Variants in HIVEP3 observed in about 807,000 individuals in gnomAD.
HIVEP3 encodes HIVEP zinc finger 3.
In HIVEP3, 49 loss-of-function variants were observed where a neutral mutation model predicts 152.8. That is an observed-to-expected ratio of 0.32 (90% CI 0.26 to 0.41). HIVEP3 has a LOEUF of 0.41. Among genes scored for constraint, HIVEP3 ranks in the 10% least tolerant of loss-of-function variants. HIVEP3 has a pLI of 1.00. For synonymous variants in HIVEP3, 1,269 were observed against 1,289.0 expected (o/e 0.98, Z 0.33); for missense variants, 2,790 against 3,103.3 (o/e 0.90, Z 2.40).
At chr1:41,830,083 T>C (rs1238950817) in intron 1 of HIVEP3, among the ~76,000 whole-genome samples, 1 of 152,198 alleles carries the variant, frequency 6.6e-6, no homozygotes, top group Non-Finnish European at 1.5e-5. Context: ...ATTGACCCCG[T>C]AGATTTGAAT....
upstream of HIVEP3, among the ~76,000 whole-genome samples, chr1:41,922,910 T>A (rs1307998185): frequency 6.6e-6 from 1 of 152,130 alleles, no homozygotes; most frequent in Non-Finnish European, 1.5e-5. Flanking sequence ...TCCATCTGTT[T>A]CCTCTTCTTC....
intron 1 of HIVEP3, among the ~76,000 whole-genome samples, chr1:41,707,133 C>T (rs1435093200): frequency 2.0e-5 from 3 of 152,204 alleles, no homozygotes; most frequent in African/African-American, 7.2e-5. Flanking sequence ...CTCCCCTCAG[C>T]TCCCCCGGGG....
intron 2 of HIVEP3, among the ~76,000 whole-genome samples, chr1:41,677,778 C>G (rs1353081973): frequency 6.6e-6 from 1 of 152,250 alleles, no homozygotes; most frequent in Non-Finnish European, 1.5e-5. Context: ...CTTCCCCGCA[C>G]ATCGGGCGGT....
At chr1:41,771,893 C>T (rs910705980) in intron 1 of HIVEP3, among the ~76,000 whole-genome samples, 1 of 152,160 alleles carries the variant, frequency 6.6e-6, no homozygotes, top group Non-Finnish European at 1.5e-5. Flanking sequence ...TCTCAAATTC[C>T]TGATCTCGTG....
chr1:41,985,542 C>T (rs1477038793), intron 1 of HIVEP3, among the ~76,000 whole-genome samples: 2 of 152,188 alleles, frequency 1.3e-5, no homozygotes, highest in Non-Finnish European at 2.9e-5. Context: ...CTTATAAGGG[C>T]ACTAACCCCA....
chr1:41,749,785 C>T (rs182506018), intron 1 of HIVEP3, among the ~76,000 whole-genome samples: 2 of 152,274 alleles, frequency 1.3e-5, no homozygotes, highest in Admixed American at 6.5e-5. Context: ...TGAGTGGCTT[C>T]AGCATGTGCT....
At chr1:41,887,377 T>C (rs1000453527) in intron 1 of HIVEP3, among the ~76,000 whole-genome samples, 1 of 152,272 alleles carries the variant, frequency 6.6e-6, no homozygotes, top group African/African-American at 2.4e-5. Context: ...TGTAATTTTA[T>C]ATTCTTTTTC....
chr1:41,775,884 G>T (rs1648676629), intron 1 of HIVEP3, among the ~76,000 whole-genome samples: 1 of 152,094 alleles, frequency 6.6e-6, no homozygotes, highest in Non-Finnish European at 1.5e-5. Context: ...CCACAAAAAG[G>T]CCAGCATCCT....
At chr1:41,571,068 C>T (rs1447674363) in intron 5 of HIVEP3, among the ~76,000 whole-genome samples, 1 of 151,960 alleles carries the variant, frequency 6.6e-6, no homozygotes, top group Non-Finnish European at 1.5e-5. Context: ...GAGCCAATGC[C>T]CTCCCATAGG....
chr1:41,716,222 T>C (rs1558205471), intron 1 of HIVEP3, among the ~76,000 whole-genome samples: 1 of 152,098 alleles, frequency 6.6e-6, no homozygotes, highest in African/African-American at 2.4e-5. Flanking sequence ...ATAGGGAGGC[T>C]GGCTGGGCTG....
In HIVEP3 at chr1:42,034,655, AGCCCTACTG is replaced by A. The variant is rs1645630940; in HGVS notation, n.119+1143_119+1151del. On this transcript the variant is annotated intron_variant and non_coding_transcript_variant, in intron 1 of 3. Transcript: ENST00000489103. The stretch of plus-strand genomic sequence containing the variant: ...CAGTAATGCCAACCCGGCTGGATAC[AGCCCTACTG>A]GGAAGATAGGGAGAGAATGAGAAGA... Among the ~76,000 whole-genome samples, 4 of 152,354 alleles carry A rather than the reference AGCCCTACTG, an allele frequency of 2.6e-5. No homozygotes were observed. In the South Asian group the frequency reaches 8.3e-4, roughly 32 times the overall value.
intron 3 of HIVEP3, among the ~76,000 whole-genome samples, chr1:41,627,879 C>T (rs571705231): frequency 1.2e-3 from 188 of 152,094 alleles, no homozygotes; most frequent in South Asian, 0.01. Context: ...TCCCTCCGTC[C>T]ATCCCTCCCT....
intron 6 of HIVEP3, among the ~76,000 whole-genome samples, chr1:41,523,698 A>G (rs538174683): frequency 6.6e-6 from 1 of 152,292 alleles, no homozygotes; most frequent in Non-Finnish European, 1.5e-5. Flanking sequence ...CAACTTTGCC[A>G]ACAGAAGAAA....
At chr1:42,006,854 T>A (rs1645462483) in intron 1 of HIVEP3, among the ~76,000 whole-genome samples, 1 of 152,186 alleles carries the variant, frequency 6.6e-6, no homozygotes, top group Admixed American at 6.5e-5. Context: ...AGATCACAAT[T>A]TGAGAATGAC....
chr1:41,510,680 C>A lies in HIVEP3; in HGVS notation c.6992G>T (p.Arg2331Leu). Residue 2331 changes from arginine (R) to leucine (L), a missense_variant, in exon 9 of 9, where the codon CGC becomes CTC. Arg to Leu is a moderately radical substitution (Grantham distance 102, BLOSUM62 -2). Transcript: ENST00000372583. ...GRRAAQSWSP[R>L]LESPRAPTNP... Reference sequence around the variant, plus strand: ...GGTCGGTGCACGCGGGGACTCCAAGCGGGGGCTCCAGGACTGCGCTGCCCG... The same window carrying A: ...GGTCGGTGCACGCGGGGACTCCAAGAGGGGGCTCCAGGACTGCGCTGCCCG... The A allele has an allele frequency of 6.6e-7, 1 of 1,522,860 alleles. No individual in the cohort carries two copies. The highest frequency in any genetic ancestry group is 8.8e-7 in the Non-Finnish European group (1 of 1,134,390). The allele number at this position is 1,522,860 out of a possible 1,614,324, so 94.3% of individuals were successfully genotyped here.
chr1:41,695,625 T>G (rs115805935), intron 2 of HIVEP3, among the ~76,000 whole-genome samples: 190 of 152,020 alleles, frequency 1.2e-3, no homozygotes, highest in African/African-American at 4.5e-3. Context: ...GTGCCCAGAT[T>G]TGGGGGGTCA....
chr1:41,688,540 A>G (rs568654456), intron 2 of HIVEP3, among the ~76,000 whole-genome samples: 65 of 152,316 alleles, frequency 4.3e-4, no homozygotes, highest in African/African-American at 1.4e-3. Flanking sequence ...TGGAATGAAC[A>G]CTTAACTCAT....
intron 1 of HIVEP3, among the ~76,000 whole-genome samples, chr1:41,744,472 T>G (rs920491757): frequency 2.6e-5 from 4 of 152,236 alleles, no homozygotes; most frequent in Non-Finnish European, 5.9e-5. Context: ...TTGGCCATGA[T>G]CAGGGTGTGC....
At chr1:41,527,265 G>GCCCTTACA (rs1643002560) in intron 5 of HIVEP3, among the ~76,000 whole-genome samples, 1 of 38,886 alleles carries the variant, frequency 2.6e-5, no homozygotes, top group Non-Finnish European at 5.6e-5. Flanking sequence ...ACCCTCACAT[G>GCCCTTACA]CTCACCCTCA....
Sources: gnomAD v4.1 joint callset for allele counts (sites outside exome capture counted in the v4.1 genomes callset) on GRCh38, gnomAD v4.1.1 for gene constraint, MANE v1.5 for transcripts, NCBI Gene and HGNC (gene_info 2026-07-23, HGNC 2026-07-21) for gene names.